The following NAALADL2 variants were observed in gnomAD, a reference collection of about 807,000 sequenced individuals.
The protein encoded by NAALADL2 is inactive N-acetylated-alpha-linked acidic dipeptidase-like protein 2.
A neutral mutation model predicts 87.2 loss-of-function variants in NAALADL2; 76 were observed. That is an observed-to-expected ratio of 0.87 (90% confidence interval 0.72 to 1.05). NAALADL2 has a LOEUF of 1.05. Ranked by LOEUF, NAALADL2 falls within the 50% of genes least tolerant of loss-of-function variation. The pLI, the probability that NAALADL2 is intolerant of heterozygous loss-of-function variation, is 0.00. For synonymous variants in NAALADL2, 354 were observed against 331.0 expected, an observed-to-expected ratio of 1.07 and a Z score of -0.75; for missense variants, 1,089 against 945.8, an observed-to-expected ratio of 1.15 and a Z score of -1.99.
intron 1 of NAALADL2, among the ~76,000 whole-genome samples, chr3:174,445,690 A>G (rs1035342996): frequency 6.6e-6 from 1 of 152,104 alleles, no homozygotes; most frequent in Non-Finnish European, 1.5e-5. Flanking sequence ...GATGTGATTT[A>G]TATGTGGTTT....
intron 2 of NAALADL2, among the ~76,000 whole-genome samples, chr3:175,120,088 A>G (rs1700228369): frequency 7.2e-6 from 1 of 139,608 alleles, no homozygotes; most frequent in African/African-American, 2.6e-5. Context: ...TGTACCGTCA[A>G]CAGTATTTGC....
chr3:174,608,461 T>C (rs1174150124), intron 2 of NAALADL2, among the ~76,000 whole-genome samples: 1 of 150,370 alleles, frequency 6.7e-6, no homozygotes, highest in Non-Finnish European at 1.5e-5. Flanking sequence ...ATAGACACAA[T>C]AAAAAATGAT....
chr3:174,816,512 T>C, intron 3 of NAALADL2, among the ~76,000 whole-genome samples: 1 of 124,850 alleles, frequency 8.0e-6, no homozygotes, highest in African/African-American at 3.3e-5. Flanking sequence ...TTTATACATT[T>C]ATTTATATTA....
chr3:175,196,954 G>C (rs1303766176), intron 2 of NAALADL2, among the ~76,000 whole-genome samples: 1 of 151,816 alleles, frequency 6.6e-6, no homozygotes, highest in Non-Finnish European at 1.5e-5. Context: ...ATGGGTCATG[G>C]TATCATTCCA....
chr3:174,884,629 G>C (rs776536328), intron 1 of NAALADL2, among the ~76,000 whole-genome samples: 7 of 152,088 alleles, frequency 4.6e-5, no homozygotes, highest in Non-Finnish European at 8.8e-5. Flanking sequence ...AAGTGTCTAG[G>C]AGCTGCAACG....
intron 5 of NAALADL2, among the ~76,000 whole-genome samples, chr3:175,325,652 A>G (rs1197153824): frequency 6.6e-6 from 1 of 152,228 alleles, no homozygotes; most frequent in African/African-American, 2.4e-5. Flanking sequence ...GTAAGTTGGT[A>G]AGTTGGTTGG....
At chr3:174,535,556 C>T (rs774688242) in intron 1 of NAALADL2, among the ~76,000 whole-genome samples, 3 of 152,064 alleles carry the variant, frequency 2.0e-5, no homozygotes, top group Non-Finnish European at 4.4e-5. Context: ...AACCGGGAGC[C>T]GTACTAGGTG....
intron 2 of NAALADL2, among the ~76,000 whole-genome samples, chr3:175,137,604 AC>A (rs1580651443): frequency 9.0e-6 from 1 of 111,414 alleles, no homozygotes; most frequent in Admixed American, 1.1e-4. Context: ...CAAGAGATTG[AC>A]CCTTTTTTTT....
At chr3:174,681,965 G>A (rs1727585105) in intron 2 of NAALADL2, among the ~76,000 whole-genome samples, 2 of 152,142 alleles carry the variant, frequency 1.3e-5, no homozygotes, top group African/African-American at 4.8e-5. Context: ...TAACTGAAGA[G>A]CCCTTGTACC....
chr3:175,362,342 C>T (rs1765119417), intron 5 of NAALADL2, among the ~76,000 whole-genome samples: 1 of 147,894 alleles, frequency 6.8e-6, no homozygotes, highest in Non-Finnish European at 1.5e-5. Flanking sequence ...ATTGTCTTGG[C>T]AATGCGGGCT....
chr3:174,921,537 C>T (rs1410218591), intron 1 of NAALADL2, among the ~76,000 whole-genome samples: 1 of 152,010 alleles, frequency 6.6e-6, no homozygotes, highest in African/African-American at 2.4e-5. Flanking sequence ...CGCGGTGGCT[C>T]ACACCTGTAA....
chr3:175,463,424 G>A lies in NAALADL2; in HGVS notation c.1258G>A (p.Val420Ile). Residue 420 changes from valine (V) to isoleucine (I), a missense_variant, in exon 7 of 14, where the codon GTT (valine) becomes ATT (isoleucine). Val to Ile is a conservative substitution (Grantham distance 29). Transcript: ENST00000454872. ...NNEIRVVSMQVQTVTKLKTVT... is the reference protein window; with the variant it reads ...NNEIRVVSMQIQTVTKLKTVT... The stretch of plus-strand genomic sequence containing the variant: ...AGAAATAAGAGTCGTCAGCATGCAA[G>A]TTCAGACAGTCACAAAATTGAAAAC... 1 of 1,594,976 alleles carries A rather than the reference G, an allele frequency of 6.3e-7. No individual in the cohort carries two copies. The highest frequency in any genetic ancestry group is 8.5e-7 in the Non-Finnish European group (1 of 1,169,664).
intron 3 of NAALADL2, among the ~76,000 whole-genome samples, chr3:174,742,035 A>G (rs941494276): frequency 5.3e-5 from 8 of 151,612 alleles, no homozygotes; most frequent in Admixed American, 1.3e-4. Flanking sequence ...GATTTTTTTC[A>G]AACTGAATGT....
chr3:175,319,374 C>A (rs754399737), intron 4 of NAALADL2, among the ~76,000 whole-genome samples: 3 of 152,140 alleles, frequency 2.0e-5, no homozygotes, highest in Non-Finnish European at 4.4e-5. Flanking sequence ...TTTTAAAGGA[C>A]TAGAAAAAAT....
At chr3:175,181,733 A>ATGTATATATATATG (rs1553802512) in intron 2 of NAALADL2, among the ~76,000 whole-genome samples, 2 of 34,460 alleles carry the variant, frequency 5.8e-5, no homozygotes, top group Non-Finnish European at 1.3e-4. Flanking sequence ...ATATGTATAT[A>ATGTATATATATATG]TGTGTATATA....
chr3:175,176,656 A>G (rs1468941281), intron 2 of NAALADL2, among the ~76,000 whole-genome samples: 1 of 152,074 alleles, frequency 6.6e-6, no homozygotes, highest in Non-Finnish European at 1.5e-5. Flanking sequence ...AAATAAAGTC[A>G]GAGAGCACAA....
intron 1 of NAALADL2, among the ~76,000 whole-genome samples, chr3:174,495,658 T>A (rs1230400130): frequency 1.6e-5 from 1 of 64,084 alleles, no homozygotes; most frequent in Non-Finnish European, 3.3e-5. Context: ...TGGAGAGAGC[T>A]TTTTGAGAGG....
intron 2 of NAALADL2, among the ~76,000 whole-genome samples, chr3:174,611,637 G>A (rs1366141948): frequency 1.3e-5 from 2 of 152,094 alleles, no homozygotes; most frequent in African/African-American, 4.8e-5. Flanking sequence ...CATCACCCAG[G>A]CTGGAGAGCA....
At chr3:175,614,303 G>T (rs1340571508) in intron 10 of NAALADL2, among the ~76,000 whole-genome samples, 1 of 152,128 alleles carries the variant, frequency 6.6e-6, no homozygotes, top group Non-Finnish European at 1.5e-5. Flanking sequence ...TGCCCGCCTC[G>T]GCCTCCCAAA....
Sources: gnomAD v4.1 joint callset for allele counts (sites outside exome capture counted in the v4.1 genomes callset) on GRCh38, gnomAD v4.1.1 for gene constraint, MANE v1.5 for transcripts, NCBI Gene and HGNC (gene_info 2026-07-23, HGNC 2026-07-21) for gene names.